Variants in GALNT18 observed in about 807,000 individuals in gnomAD.
GALNT18 encodes the protein GalNAc-transferase 18.
GALNT18 carries 44 observed loss-of-function variants against 69.5 expected under a neutral mutation model. The observed-to-expected ratio is 0.63, with a 90% confidence interval of 0.50 to 0.81. GALNT18 has a LOEUF of 0.81. GALNT18 is among the 40% of genes least tolerant of loss of function. GALNT18 has a pLI of 0.00. For synonymous variants in GALNT18, 364 were observed against 318.2 expected (o/e 1.14, Z -1.53); for missense variants, 715 against 810.0 (o/e 0.88, Z 1.42).
intron 3 of GALNT18, among the ~76,000 whole-genome samples, chr11:11,384,521 A>G (rs2133701315): frequency 6.6e-6 from 1 of 152,186 alleles, no homozygotes. Context: ...TGACTTACTC[A>G]CCTCTGAAAA....
At chr11:11,331,967 A>G (rs1850023957) in intron 8 of GALNT18, among the ~76,000 whole-genome samples, 1 of 152,090 alleles carries the variant, frequency 6.6e-6, no homozygotes, top group Admixed American at 6.6e-5. Context: ...CCTTAGACAG[A>G]AAATACATTT....
At position 11,600,742 on chromosome 11, in the gene GALNT18, C is replaced by A. The variant is rs1859612715; in HGVS notation, c.235+20617G>T. Among the ~76,000 whole-genome samples the A allele has an allele frequency of 1.3e-5, 2 of 151,964 alleles. No individual in the cohort carries two copies. Among genetic ancestry groups the A allele is most frequent in the African/African-American group, 4.8e-5 (2 of 41,388 alleles). Reference sequence around the variant, plus strand: ...TCATATATTTTTTGGCTTCTTTCTTCTTTCATTCAAGTATTCCCATTAAAC... The same window carrying A: ...TCATATATTTTTTGGCTTCTTTCTTATTTCATTCAAGTATTCCCATTAAAC... On this transcript the variant is annotated intron_variant, in intron 1 of 10. Coordinates refer to ENST00000227756, the MANE Select transcript of GALNT18 (RefSeq NM_198516.3). The surrounding 1 kb of genome is among the most constrained non-coding windows in gnomAD (Gnocchi z 4.8).
intron 10 of GALNT18, among the ~76,000 whole-genome samples, chr11:11,287,093 C>T (rs1053970619): frequency 7.9e-5 from 12 of 152,136 alleles, no homozygotes; most frequent in African/African-American, 2.2e-4. Context: ...TTCCTAATTT[C>T]CCCCTGCTGG....
intron 1 of GALNT18, among the ~76,000 whole-genome samples, chr11:11,479,982 G>T (rs2133867373): frequency 6.6e-6 from 1 of 152,238 alleles, no homozygotes; most frequent in South Asian, 2.1e-4. Flanking sequence ...GAGAAGATGA[G>T]GAGAGAGGAG....
At chr11:11,395,194 G>A (rs1315912490) in intron 3 of GALNT18, among the ~76,000 whole-genome samples, 1 of 152,248 alleles carries the variant, frequency 6.6e-6, no homozygotes, top group Non-Finnish European at 1.5e-5. Flanking sequence ...GGTTGGGCAT[G>A]GCTGGTGTCC....
rs11021809 is a variant in GALNT18, at chr11:11,338,086, G to A, written c.1278+2733C>T. On this transcript the variant is annotated intron_variant, in intron 7 of 10. Transcript: ENST00000227756. This position sits in a 1 kb window ranked among gnomAD's most constrained non-coding sequence, Gnocchi z 5.3. ...AGGTTAAAATGATTCTCTTGCCTCA[G>A]CCTCCTGAGTAGCTGGGATTACAGG... is the stretch of plus-strand genomic sequence containing the variant. Among the ~76,000 whole-genome samples, 1 of 150,666 alleles carries A rather than the reference G, an allele frequency of 6.6e-6. No homozygotes were observed. Among genetic ancestry groups the A allele is most frequent in the South Asian group, 2.1e-4 (1 of 4,802 alleles).
At chr11:11,304,613 T>C (rs541152772) in intron 9 of GALNT18, among the ~76,000 whole-genome samples, 1 of 152,348 alleles carries the variant, frequency 6.6e-6, no homozygotes, top group East Asian at 1.9e-4. Context: ...AGTCAATTCA[T>C]ACTTCTTAAA....
In GALNT18 at chr11:11,541,641, C is replaced by A. The variant is rs1410172050; in HGVS notation, c.235+79718G>T. 6.6e-6 allele frequency among the ~76,000 whole-genome samples: 1 copy of A among 152,160 alleles called. No individual in the cohort carries two copies. ...GCATCTCTGCCTTCAGATCTGATAT[C>A]CAAGGCTCCCTCTCAAGGGCCTCAT... On this transcript the variant is annotated intron_variant, in intron 1 of 10. Transcript: ENST00000227756. The surrounding 1 kb of genome is among the most constrained non-coding windows in gnomAD (Gnocchi z 4.8).
At chr11:11,423,671 G>C (rs1275367782) in intron 3 of GALNT18, among the ~76,000 whole-genome samples, 1 of 152,188 alleles carries the variant, frequency 6.6e-6, no homozygotes, top group Admixed American at 6.5e-5. Context: ...AAGGGATAAG[G>C]ACAAAATTCA....
In GALNT18 at chr11:11,378,790, A is replaced by G. The variant is rs180889716; in HGVS notation, c.779+291T>C. Among the ~76,000 whole-genome samples, 357 of 152,046 alleles carry G rather than the reference A, an allele frequency of 2.3e-3. 7 individuals are homozygous for G. The highest frequency in any genetic ancestry group is 3.4e-3 in the Middle Eastern group (1 of 294). ...ACTCTCTGCTTTGCCCTTGGCATGT[A>G]CCCTTCTCCCTGATGACCCTGCCAG... is the stretch of plus-strand genomic sequence containing the variant. On this transcript the variant is annotated intron_variant, in intron 4 of 10. Transcript: ENST00000227756.
Position 11,606,955 on chromosome 11 carries a change from A to G in GALNT18, c.235+14404T>C, listed in dbSNP as rs1859772234. ...ACTCTAACATGGTCTGATTTTAACT[A>G]GAGAGCCTTCAGACAAGAGCCTTCA... is the stretch of plus-strand genomic sequence containing the variant. On this transcript the variant is annotated intron_variant, in intron 1 of 10. Coordinates refer to ENST00000227756, the MANE Select transcript of GALNT18 (RefSeq NM_198516.3). The surrounding 1 kb of genome is among the most constrained non-coding windows in gnomAD (Gnocchi z 5.4). Among the ~76,000 whole-genome samples the G allele has an allele frequency of 1.3e-5, 2 of 152,216 alleles. No homozygotes were observed. The highest frequency in any genetic ancestry group is 4.8e-5 in the African/African-American group (2 of 41,456).
At position 11,592,972 on chromosome 11, in the gene GALNT18, G is replaced by C. The variant is rs1288862362; in HGVS notation, c.235+28387C>G. 3.3e-5 allele frequency among the ~76,000 whole-genome samples: 5 copies of C among 152,132 alleles called. No individual in the cohort carries two copies. Among genetic ancestry groups the C allele is most frequent in the Non-Finnish European group, 7.3e-5 (5 of 68,036 alleles). ...TCTCTGTCTCCCAGGCTGGAGTGCA[G>C]TGGCGCAATCTCAGCTCACTGCAAG... On this transcript the variant is annotated intron_variant, in intron 1 of 10. Transcript: ENST00000227756. The surrounding 1 kb of genome is among the most constrained non-coding windows in gnomAD (Gnocchi z 5.9).
At chr11:11,393,970 C>A (rs1200574217) in intron 3 of GALNT18, among the ~76,000 whole-genome samples, 1 of 152,322 alleles carries the variant, frequency 6.6e-6, no homozygotes, top group African/African-American at 2.4e-5. Context: ...ATTTACTAAG[C>A]ACTGGGTGTG....
intron 6 of GALNT18, among the ~76,000 whole-genome samples, chr11:11,360,778 T>C (rs1216357670): frequency 6.6e-6 from 1 of 152,264 alleles, no homozygotes; most frequent in Non-Finnish European, 1.5e-5. Context: ...TTTGCTATGC[T>C]CATTTTTATT....
intron 3 of GALNT18, among the ~76,000 whole-genome samples, chr11:11,388,854 A>G (rs12282118): frequency 0.14 from 20,584 of 152,276 alleles, 1,470 homozygotes; most frequent in Middle Eastern, 0.2. Context: ...ACCACCCTGC[A>G]AACAATATTT....
At chr11:11,271,319 G>C (rs752576723) in intron 10 of GALNT18, 29 bp from the exon 11 acceptor site, 1 of 1,597,994 alleles carries the variant, frequency 6.3e-7, no homozygotes, top group African/African-American at 1.3e-5. Flanking sequence ...AGTGGGGTCA[G>C]AGGGCATAGA....
intron 6 of GALNT18, among the ~76,000 whole-genome samples, chr11:11,371,124 T>C (rs1850893804): frequency 6.6e-6 from 1 of 152,164 alleles, no homozygotes; most frequent in Admixed American, 6.5e-5. Context: ...CTGGAAGTGT[T>C]TTCTAAGCTC....
chr11:11,281,550 C>T (rs1368100781), intron 10 of GALNT18, among the ~76,000 whole-genome samples: 1 of 152,196 alleles, frequency 6.6e-6, no homozygotes, highest in Non-Finnish European at 1.5e-5. Flanking sequence ...CCCAGACAAC[C>T]AACTCTTGGA....
chr11:11,460,734 G>A (rs985003290), intron 1 of GALNT18, among the ~76,000 whole-genome samples: 1 of 151,890 alleles, frequency 6.6e-6, no homozygotes, highest in African/African-American at 2.4e-5. Context: ...TCCTGCTACT[G>A]TTCTTTGGAC....
Sources: allele counts gnomAD v4.1 joint callset (sites outside exome capture counted in the v4.1 genomes callset), GRCh38; gene constraint gnomAD v4.1.1; non-coding constraint Gnocchi (gnomAD v3.1); transcripts MANE v1.5; gene names NCBI Gene and HGNC (gene_info 2026-07-23, HGNC 2026-07-21).